The following PVT1 variants were observed in gnomAD, a reference collection of about 807,000 sequenced individuals.
PVT1 encodes the protein CXCR4/PVT1 fusion.
intron 3 of PVT1, among the ~76,000 whole-genome samples, chr8:127,926,943 G>A (rs1001420616): frequency 6.6e-6 from 1 of 152,146 alleles, no homozygotes; most frequent in Admixed American, 6.5e-5. Context: ...TTGAATCACA[G>A]CCTTGGCACT....
intron 4 of PVT1, among the ~76,000 whole-genome samples, chr8:128,042,868 A>G (rs755559744): frequency 1.3e-5 from 2 of 151,924 alleles, no homozygotes; most frequent in Non-Finnish European, 2.9e-5. Context: ...GGTTCAGGCA[A>G]TTCTCATGCC....
At chr8:127,835,585 T>G (rs1314896618) in intron 2 of PVT1, among the ~76,000 whole-genome samples, 1 of 152,058 alleles carries the variant, frequency 6.6e-6, no homozygotes, top group Non-Finnish European at 1.5e-5. Context: ...GCGTGTTCTG[T>G]ACATGTATCC....
chr8:127,938,231 C>T (rs1816303356), intron 3 of PVT1, among the ~76,000 whole-genome samples: 2 of 152,214 alleles, frequency 1.3e-5, no homozygotes, highest in Admixed American at 1.3e-4. Flanking sequence ...AGGCGACAAG[C>T]CCTGATCAAA....
At chr8:127,901,666 C>A (rs1226498225) in intron 3 of PVT1, among the ~76,000 whole-genome samples, 1 of 152,094 alleles carries the variant, frequency 6.6e-6, no homozygotes, top group East Asian at 1.9e-4. Context: ...CCCACCTTGG[C>A]CTCCCAAAGT....
chr8:127,856,958 G>A (rs1414806308), intron 2 of PVT1, among the ~76,000 whole-genome samples: 1 of 152,186 alleles, frequency 6.6e-6, no homozygotes, highest in Non-Finnish European at 1.5e-5. Flanking sequence ...GGGCGAGGTG[G>A]CTCATGCCTG....
intron 2 of PVT1, among the ~76,000 whole-genome samples, chr8:127,809,490 G>A (rs1213495492): frequency 2.0e-5 from 3 of 152,104 alleles, no homozygotes; most frequent in Non-Finnish European, 2.9e-5. Flanking sequence ...CATCATGCTC[G>A]GCTCTATGGA....
At chr8:127,981,739 G>A (rs1433140675) in intron 3 of PVT1, among the ~76,000 whole-genome samples, 1 of 152,178 alleles carries the variant, frequency 6.6e-6, no homozygotes, top group Non-Finnish European at 1.5e-5. Flanking sequence ...TGAACTTCCA[G>A]ATGCCTCCTT....
chr8:127,831,143 C>A (rs1814845747), intron 2 of PVT1, among the ~76,000 whole-genome samples: 2 of 142,124 alleles, frequency 1.4e-5, no homozygotes, highest in Admixed American at 6.8e-5. Context: ...ATATCTATCT[C>A]TCTCTCTCTC....
exon 1 of PVT1, chr8:127,794,597 C>A (rs1046900482): frequency 3.3e-5 from 5 of 152,512 alleles, no homozygotes; most frequent in African/African-American, 4.8e-5. Context: ...CTCGGGGCGG[C>A]CGGGACGAGG....
At chr8:127,998,818 C>CCCTTCCTTCCTTCCTT (rs3041894) in intron 4 of PVT1, among the ~76,000 whole-genome samples, 59 of 120,698 alleles carry the variant, frequency 4.9e-4, no homozygotes, top group East Asian at 1.8e-3. Context: ...TCTCCTCCTC[C>CCCTTCCTTCCTTCCTT]CCTTCCTTCC....
chr8:127,803,949 G>A (rs1019543248), intron 2 of PVT1, among the ~76,000 whole-genome samples: 4 of 152,074 alleles, frequency 2.6e-5, no homozygotes, highest in African/African-American at 9.7e-5. Context: ...TCGAACTCCT[G>A]ACCTTGTGAT....
intron 3 of PVT1, among the ~76,000 whole-genome samples, chr8:127,959,586 G>GAAAAAAA (rs34255005): frequency 3.9e-5 from 3 of 76,492 alleles, no homozygotes; most frequent in Non-Finnish European, 4.9e-5. Context: ...TCTGTCTCAG[G>GAAAAAAA]AAAAAAAAAA....
intron 3 of PVT1, among the ~76,000 whole-genome samples, chr8:127,975,870 G>T (rs546538295): frequency 7.2e-5 from 11 of 152,252 alleles, no homozygotes; most frequent in Non-Finnish European, 1.0e-4. Flanking sequence ...TTTCTAGATG[G>T]TTTTTTCTGG....
intron 2 of PVT1, among the ~76,000 whole-genome samples, chr8:127,885,793 G>A (rs74504045): frequency 0.01 from 1,577 of 152,266 alleles, 30 homozygotes; most frequent in African/African-American, 0.036. Flanking sequence ...AGTAAGAAAC[G>A]TAGTAAATTT....
chr8:127,934,581 G>A (rs938795895), intron 3 of PVT1, among the ~76,000 whole-genome samples: 5 of 152,214 alleles, frequency 3.3e-5, no homozygotes, highest in Middle Eastern at 3.2e-3. Flanking sequence ...AGGAAAGAGT[G>A]AATGGGTACA....
intron 5 of PVT1, among the ~76,000 whole-genome samples, chr8:128,092,529 G>A (rs892249600): frequency 2.6e-5 from 4 of 152,238 alleles, no homozygotes; most frequent in African/African-American, 7.2e-5. Context: ...GGACACATAC[G>A]TCATGCCCTG....
intron 3 of PVT1, among the ~76,000 whole-genome samples, chr8:127,965,906 G>T (rs1454852156): frequency 1.3e-5 from 2 of 152,166 alleles, no homozygotes; most frequent in African/African-American, 4.8e-5. Flanking sequence ...AGGCAAGGAG[G>T]TTACAGGATT....
chr8:127,911,300 C>A (rs1262267065), intron 3 of PVT1, among the ~76,000 whole-genome samples: 1 of 152,190 alleles, frequency 6.6e-6, no homozygotes, highest in Admixed American at 6.5e-5. Context: ...CAGTTGAGTG[C>A]GTCCAGATGC....
chr8:127,964,168 C>T (rs1377809112), intron 3 of PVT1, among the ~76,000 whole-genome samples: 2 of 152,230 alleles, frequency 1.3e-5, no homozygotes, highest in African/African-American at 2.4e-5. Flanking sequence ...TCAGCCATGC[C>T]TGGAGAGGAG....
Sources: gnomAD v4.1 joint callset for allele counts (sites outside exome capture counted in the v4.1 genomes callset) on GRCh38, gnomAD v4.1.1 for gene constraint, MANE v1.5 for transcripts, NCBI Gene and HGNC (gene_info 2026-07-23, HGNC 2026-07-21) for gene names.